The following LNX2 variants were observed in gnomAD, a reference collection of about 807,000 sequenced individuals.
LNX2 encodes the protein ligand of numb-protein X 2, also known as ligand of Numb protein X 2.
LNX2 carries 35 observed loss-of-function variants against 66.2 expected under a neutral mutation model. The observed-to-expected ratio is 0.53, with a 90% confidence interval of 0.40 to 0.70. The LOEUF (loss-of-function observed/expected upper bound fraction) is 0.70. Ranked by LOEUF, LNX2 falls within the 30% of genes least tolerant of loss-of-function variation. The probability of loss-of-function intolerance (pLI) is 0.00; values close to 1 mark genes in which losing one functional copy is unlikely to be tolerated. For synonymous variants in LNX2, 337 were observed against 315.6 expected (o/e 1.07, Z -0.72); for missense variants, 791 against 850.8 (o/e 0.93, Z 0.87).
intron 4 of LNX2, 133 bp downstream of exon 4, chr13:27,567,507 G>T: frequency 2.9e-6 from 2 of 696,110 alleles, no homozygotes; most frequent in Non-Finnish European, 2.5e-6. Context: ...CATAAATTCT[G>T]ATGTTTTGCA....
intron 4 of LNX2, among the ~76,000 whole-genome samples, chr13:27,563,951 GAAT>G (rs1442174596): frequency 6.6e-6 from 1 of 152,094 alleles, no homozygotes; most frequent in African/African-American, 2.4e-5. Flanking sequence ...TAAAAGTATT[GAAT>G]AATACAGGGT....
chr13:27,582,042 C>T (rs994378089), intron 1 of LNX2, among the ~76,000 whole-genome samples: 1 of 151,832 alleles, frequency 6.6e-6, no homozygotes, highest in African/African-American at 2.4e-5. Context: ...TATTTATTTG[C>T]TTTTTGAGTC....
At chr13:27,588,814 C>A (rs117823696) in intron 1 of LNX2, among the ~76,000 whole-genome samples, 6,640 of 152,024 alleles carry the variant, frequency 0.044, 201 homozygotes, top group Non-Finnish European at 0.067. Context: ...ATAAAAAAAA[C>A]AAACCCAGTA....
chr13:27,578,709 T>C (rs1955366924), intron 2 of LNX2, among the ~76,000 whole-genome samples: 1 of 152,142 alleles, frequency 6.6e-6, no homozygotes, highest in Non-Finnish European at 1.5e-5. Context: ...AGCTGACAAG[T>C]CCCACGCACC....
chr13:27,583,021 G>T (rs1161427165), intron 1 of LNX2, among the ~76,000 whole-genome samples: 2 of 151,804 alleles, frequency 1.3e-5, no homozygotes, highest in African/African-American at 2.4e-5. Flanking sequence ...AAATAACAGC[G>T]CAAATGCTGC....
chr13:27,583,228 GTGTGTGTGTGTGTGTGTGTGTGTGTGT>G (rs1955432750), intron 1 of LNX2, among the ~76,000 whole-genome samples: 2 of 27,838 alleles, frequency 7.2e-5, no homozygotes, highest in Non-Finnish European at 1.3e-4. Flanking sequence ...GTGTGTGTGT[GTGTGTGTGTGTGTGTGTGTGTGTGTGT>G]GCGCGCGTCC....
intron 2 of LNX2, among the ~76,000 whole-genome samples, chr13:27,578,000 C>T (rs1476631580): frequency 1.3e-5 from 2 of 152,036 alleles, no homozygotes; most frequent in East Asian, 1.9e-4. Context: ...AGAGACTGTC[C>T]ATGTCTCTTA....
At chr13:27,572,797 G>A (rs1327147726) in intron 2 of LNX2, among the ~76,000 whole-genome samples, 8 of 152,138 alleles carry the variant, frequency 5.3e-5, no homozygotes, top group Non-Finnish European at 1.2e-4. Flanking sequence ...GGTGGTGGTA[G>A]TGCAGTAGAA....
intron 4 of LNX2, 80 bp downstream of exon 4, chr13:27,567,560 A>G (rs1955221680): frequency 8.1e-7 from 1 of 1,231,210 alleles, no homozygotes; most frequent in South Asian, 1.3e-5. Flanking sequence ...TTAGGTTCCA[A>G]AACAGCACAA....
rs758521352 is a variant in LNX2 at position 27,562,771 on chromosome 13, T to C, written c.866A>G (p.Tyr289Cys). 5 of 1,603,162 alleles carry C rather than the reference T, an allele frequency of 3.1e-6. No individual in the cohort carries two copies. Among genetic ancestry groups the C allele is most frequent in the African/African-American group, 1.3e-5 (1 of 74,682 alleles). Residue 289 changes from tyrosine to cysteine, a missense_variant, in exon 5 of 10, where the codon TAC becomes TGC. Physicochemically the swap from Tyr to Cys is radical, Grantham distance 194 (BLOSUM62 -2). Coordinates refer to ENST00000316334, the MANE Select transcript of LNX2 (RefSeq NM_153371.4). ...GTTATGGGACACATTGCTGATATTGTAGTTGTTGACCTAGAAAAAAAGAAT... is the reference window on the plus strand; with the variant it reads ...GTTATGGGACACATTGCTGATATTGCAGTTGTTGACCTAGAAAAAAAGAAT... ...AGDQILQVNN[Y>C]NISNVSHNYA...
intron 1 of LNX2, among the ~76,000 whole-genome samples, chr13:27,596,795 T>G (rs1205789710): frequency 6.6e-6 from 1 of 152,194 alleles, no homozygotes; most frequent in African/African-American, 2.4e-5. Flanking sequence ...ATTAAAGGAA[T>G]GACTCTTTAA....
chr13:27,564,367 AT>A (rs61048432), intron 4 of LNX2, among the ~76,000 whole-genome samples: 1 of 146,844 alleles, frequency 6.8e-6, no homozygotes, highest in African/African-American at 2.5e-5. Flanking sequence ...AGCTAAATGT[AT>A]TTTTTTATCA....
intron 2 of LNX2, among the ~76,000 whole-genome samples, chr13:27,574,350 G>C (rs1955320131): frequency 6.6e-6 from 1 of 152,062 alleles, no homozygotes; most frequent in Admixed American, 6.6e-5. Flanking sequence ...AGGCAGAAGT[G>C]GCAGTGAGCT....
At position 27,589,025 on chromosome 13, in the gene LNX2, C is replaced by G. The variant is rs1955522797; in HGVS notation, c.-100-7222G>C. Among the ~76,000 whole-genome samples the G allele has an allele frequency of 3.3e-5, 5 of 152,132 alleles. No individual in the cohort carries two copies. The South Asian group carries it at 1.0e-3, about 32-fold the overall frequency. Reference sequence around the variant, plus strand: ...AAGGCATTGTGAAAACAGTTTTGACCCTGTGGATTCAATGAAAGAAAAGGG... The same window carrying G: ...AAGGCATTGTGAAAACAGTTTTGACGCTGTGGATTCAATGAAAGAAAAGGG... On this transcript the variant is annotated intron_variant, in intron 1 of 9. Coordinates refer to ENST00000316334, the MANE Select transcript of LNX2 (RefSeq NM_153371.4).
intron 1 of LNX2, among the ~76,000 whole-genome samples, chr13:27,583,203 T>TGCGCGCGCGCGCGC (rs1566124642): frequency 6.1e-5 from 1 of 16,510 alleles, no homozygotes; most frequent in African/African-American, 2.2e-4. Flanking sequence ...TGTGTGTGTG[T>TGCGCGCGCGCGCGC]GTGTGTGTGT....
chr13:27,613,472 T>TAAG (rs1955794548), intron 1 of LNX2, among the ~76,000 whole-genome samples: 1 of 152,156 alleles, frequency 6.6e-6, no homozygotes, highest in Admixed American at 6.5e-5. Flanking sequence ...AAATGAATGT[T>TAAG]AAGACACAGT....
Position 27,562,453 on chromosome 13 carries a change from A to G in LNX2, c.1184T>C (p.Leu395Pro). 1 of 1,614,168 alleles carries G rather than the reference A, an allele frequency of 6.2e-7. No homozygotes were observed. Among genetic ancestry groups the G allele is most frequent in the Non-Finnish European group, 8.5e-7 (1 of 1,180,000 alleles). ...DRVLAINGHD[L>P]KYGTPELAAQ... ...AGCAAGCTCCGGAGTTCCATACTTC[A>G]GGTCGTGCCCATTGATGGCCAGCAC... The change falls in exon 5 of 10, where the codon CTG becomes CCG. Residue 395 changes from leucine to proline, a missense_variant. Physicochemically the swap from Leu to Pro is moderately conservative, Grantham distance 98. Coordinates refer to ENST00000316334, the MANE Select transcript of LNX2 (RefSeq NM_153371.4).
chr13:27,554,728 T>C (rs1955039063), intron 7 of LNX2, among the ~76,000 whole-genome samples: 1 of 152,178 alleles, frequency 6.6e-6, no homozygotes, highest in African/African-American at 2.4e-5. Context: ...ACAGCTGTTT[T>C]CATTTCTCTA....
At chr13:27,615,084 T>A (rs1023700175) in intron 1 of LNX2, among the ~76,000 whole-genome samples, 7 of 152,052 alleles carry the variant, frequency 4.6e-5, no homozygotes, top group Admixed American at 3.3e-4. Context: ...GACCTGGAGA[T>A]AACCCCAGAT....
Sources: allele counts gnomAD v4.1 joint callset (sites outside exome capture counted in the v4.1 genomes callset), GRCh38; gene constraint gnomAD v4.1.1; transcripts MANE v1.5; gene names NCBI Gene and HGNC (gene_info 2026-07-23, HGNC 2026-07-21).